DGKB: variants seen among roughly 807,000 people sequenced by gnomAD.
DGKB encodes diacylglycerol kinase beta, also known as 90 kDa diacylglycerol kinase.
Under a neutral mutation model 114.3 loss-of-function variants are expected in DGKB, and 67 were observed. The observed-to-expected ratio is 0.59, with a 90% CI of 0.48 to 0.72. DGKB has a LOEUF of 0.72. Ranked by LOEUF, DGKB falls within the 30% of genes least tolerant of loss-of-function variation. The pLI is 0.00. For synonymous variants in DGKB, 398 were observed against 323.1 expected (o/e 1.23, Z -2.49); for missense variants, 907 against 975.2 (o/e 0.93, Z 0.93).
At chr7:14,538,085 CAAAAAAAAA>C (rs58405374) in intron 20 of DGKB, among the ~76,000 whole-genome samples, 11 of 44,800 alleles carry the variant, frequency 2.5e-4, no homozygotes, top group Admixed American at 1.0e-3. Flanking sequence ...ATCTCTGTCT[CAAAAAAAAA>C]AAAAAAAAAA....
chr7:14,529,320 T>C (rs1375423273), intron 20 of DGKB, among the ~76,000 whole-genome samples: 2 of 151,796 alleles, frequency 1.3e-5, no homozygotes, highest in African/African-American at 4.8e-5. Context: ...GCTTAACATG[T>C]GTTTGTTATA....
At chr7:14,332,432 G>A (rs1283578556) in intron 23 of DGKB, among the ~76,000 whole-genome samples, 1 of 152,182 alleles carries the variant, frequency 6.6e-6, no homozygotes, top group African/African-American at 2.4e-5. Flanking sequence ...TTTCCACATG[G>A]GGCTATGCAA....
At chr7:14,338,253 T>G (rs1811029199) in intron 23 of DGKB, among the ~76,000 whole-genome samples, 1 of 152,104 alleles carries the variant, frequency 6.6e-6, no homozygotes, top group South Asian at 2.1e-4. Context: ...TATTTTATTA[T>G]CCATGAAATA....
chr7:14,880,291 C>G lies in DGKB; in HGVS notation c.-188+22301G>C, dbSNP rs944635150. ...TGGACAACATGGTGAAACCCTGTCT[C>G]TACTAAAAATACAAAAATTAGCCAG... On this transcript the variant is annotated intron_variant, in intron 1 of 25. Coordinates refer to ENST00000402815, the MANE Select transcript of DGKB (RefSeq NM_001350709.2). Among the ~76,000 whole-genome samples the G allele has an allele frequency of 2.0e-5, 3 of 152,060 alleles. No individual in the cohort carries two copies. In the East Asian group the frequency reaches 5.8e-4, roughly 29 times the overall value.
intron 21 of DGKB, among the ~76,000 whole-genome samples, chr7:14,405,839 G>A (rs1308968329): frequency 2.0e-5 from 3 of 152,028 alleles, no homozygotes; most frequent in Admixed American, 6.6e-5. Context: ...CATTCTAAGC[G>A]AGAGACATCA....
At chr7:14,399,222 T>A (rs1056711973) in intron 21 of DGKB, among the ~76,000 whole-genome samples, 1 of 151,664 alleles carries the variant, frequency 6.6e-6, no homozygotes, top group Non-Finnish European at 1.5e-5. Context: ...ATCAAAAATA[T>A]ATTTGAAAGC....
intron 22 of DGKB, among the ~76,000 whole-genome samples, chr7:14,340,336 C>A (rs1447283734): frequency 1.3e-5 from 2 of 151,300 alleles, no homozygotes; most frequent in Non-Finnish European, 1.5e-5. Flanking sequence ...TGTGTAAATA[C>A]CCTGCAGGCC....
chr7:14,757,712 C>T lies in DGKB; in HGVS notation c.90G>A (p.Lys30=). Residue 30 remains lysine, a synonymous_variant, in exon 3 of 26, where the codon AAG becomes AAA. Transcript: ENST00000402815. The stretch of plus-strand genomic sequence containing the variant: ...TACCATGGAATTCTTCAAGAACATC[C>T]TTTAATTTCTTTGTAGAATCTATAA... ...KYAEYSTKKL[K]DVLEEFHGNG... 1 of 1,600,756 alleles carries T rather than the reference C, an allele frequency of 6.2e-7. No individual in the cohort carries two copies. Among genetic ancestry groups the T allele is most frequent in the Non-Finnish European group, 8.5e-7 (1 of 1,169,774 alleles).
intron 13 of DGKB, among the ~76,000 whole-genome samples, chr7:14,664,628 A>G (rs932723549): frequency 6.6e-5 from 10 of 152,014 alleles, no homozygotes; most frequent in African/African-American, 9.7e-5. Context: ...TTATATAAAC[A>G]TCACTTTACA....
chr7:14,506,347 C>A (rs895086161), intron 20 of DGKB, among the ~76,000 whole-genome samples: 2 of 152,046 alleles, frequency 1.3e-5, no homozygotes, highest in African/African-American at 4.8e-5. Flanking sequence ...AAAATTCCTA[C>A]AGTTAAAAAC....
intron 21 of DGKB, among the ~76,000 whole-genome samples, chr7:14,466,215 A>T (rs1780450883): frequency 6.6e-6 from 1 of 152,162 alleles, no homozygotes; most frequent in Admixed American, 6.5e-5. Context: ...TTGAGTGCCT[A>T]GGAGCACTCA....
intron 25 of DGKB, among the ~76,000 whole-genome samples, chr7:14,169,873 A>G (rs890198644): frequency 1.1e-4 from 16 of 152,162 alleles, no homozygotes; most frequent in South Asian, 4.2e-4. Context: ...CATGGCTCAC[A>G]CCTGTAATCC....
At chr7:14,696,357 C>T (rs929807553) in intron 8 of DGKB, among the ~76,000 whole-genome samples, 13 of 151,478 alleles carry the variant, frequency 8.6e-5, no homozygotes, top group Admixed American at 5.3e-4. Context: ...TAGCCGGGCG[C>T]GGTGGCGGGC....
intron 23 of DGKB, among the ~76,000 whole-genome samples, chr7:14,334,580 C>A (rs1440817523): frequency 6.6e-6 from 1 of 151,028 alleles, no homozygotes; most frequent in Non-Finnish European, 1.5e-5. Flanking sequence ...GCAAATCTGG[C>A]AATGAATTTT....
intron 2 of DGKB, among the ~76,000 whole-genome samples, chr7:14,763,219 GT>G (rs1352183315): frequency 1.3e-5 from 2 of 151,968 alleles, no homozygotes; most frequent in Non-Finnish European, 2.9e-5. Context: ...GTATGGCATG[GT>G]TTATCTGTCA....
At chr7:14,649,563 A>C (rs528426412) in intron 13 of DGKB, among the ~76,000 whole-genome samples, 1 of 151,936 alleles carries the variant, frequency 6.6e-6, no homozygotes, top group African/African-American at 2.4e-5. Context: ...AAAGACCATC[A>C]ACACTAGGAA....
intron 23 of DGKB, among the ~76,000 whole-genome samples, chr7:14,211,339 T>TTTTA (rs1554289119): frequency 5.7e-5 from 3 of 52,232 alleles, no homozygotes; most frequent in Non-Finnish European, 9.8e-5. Flanking sequence ...TGTTTTGTGA[T>TTTTA]TTTACTCTCA....
chr7:14,482,579 T>C (rs902260992), intron 20 of DGKB, among the ~76,000 whole-genome samples: 1 of 152,070 alleles, frequency 6.6e-6, no homozygotes, highest in African/African-American at 2.4e-5. Context: ...CACTACACTT[T>C]GTAATACCAC....
intron 21 of DGKB, among the ~76,000 whole-genome samples, chr7:14,370,463 A>C (rs1817451854): frequency 6.6e-6 from 1 of 152,178 alleles, no homozygotes; most frequent in Non-Finnish European, 1.5e-5. Flanking sequence ...TCTGTGAAGA[A>C]AGTCAGCGGT....
Sources: gnomAD v4.1 joint callset for allele counts (sites outside exome capture counted in the v4.1 genomes callset) on GRCh38, gnomAD v4.1.1 for gene constraint, MANE v1.5 for transcripts, NCBI Gene and HGNC (gene_info 2026-07-23, HGNC 2026-07-21) for gene names.